The following GRM7 variants were observed in gnomAD, a reference collection of about 807,000 sequenced individuals.
GRM7 encodes glutamate metabotropic receptor 7.
A neutral mutation model predicts 84.5 loss-of-function variants in GRM7; 35 were observed. The observed-to-expected ratio is 0.41, with a 90% confidence interval of 0.32 to 0.55. The LOEUF is 0.55. Ranked by LOEUF, GRM7 falls within the 20% of genes least tolerant of loss-of-function variation. GRM7 has a pLI of 0.19. For missense variants in GRM7, 1,003 were observed against 1,194.6 expected (o/e 0.84, Z 2.36); for synonymous variants, 487 against 455.1 (o/e 1.07, Z -0.89).
At chr3:7,694,768 A>G (rs1051962675) in intron 9 of GRM7, among the ~76,000 whole-genome samples, 5 of 152,206 alleles carry the variant, frequency 3.3e-5, no homozygotes, top group Non-Finnish European at 5.9e-5. Context: ...TATTTAAGGA[A>G]ACACCAATGA....
intron 4 of GRM7, among the ~76,000 whole-genome samples, chr3:7,369,408 A>G (rs1171771557): frequency 9.7e-6 from 1 of 103,250 alleles, no homozygotes; most frequent in Non-Finnish European, 1.9e-5. Context: ...GAGGGCACAC[A>G]TTCATTTTTT....
chr3:7,107,438 C>G (rs1692695647), intron 1 of GRM7, among the ~76,000 whole-genome samples: 1 of 151,976 alleles, frequency 6.6e-6, no homozygotes, highest in Non-Finnish European at 1.5e-5. Context: ...TTAAGAATCA[C>G]AAAGTTGACA....
chr3:7,149,505 C>A (rs1559471115), intron 2 of GRM7, among the ~76,000 whole-genome samples: 1 of 152,112 alleles, frequency 6.6e-6, no homozygotes, highest in Non-Finnish European at 1.5e-5. Flanking sequence ...AGGGAATTCT[C>A]CAAGGTAATT....
At chr3:6,962,006 C>T (rs1283452810) in intron 1 of GRM7, among the ~76,000 whole-genome samples, 1 of 147,908 alleles carries the variant, frequency 6.8e-6, no homozygotes, top group Non-Finnish European at 1.5e-5. Context: ...AGAAATAGTC[C>T]AAACTACTTC....
intron 5 of GRM7, among the ~76,000 whole-genome samples, chr3:7,438,624 A>G (rs1697155519): frequency 6.6e-6 from 1 of 152,048 alleles, no homozygotes; most frequent in African/African-American, 2.4e-5. Flanking sequence ...CTGGGAGAAC[A>G]AATGTAAGGA....
At chr3:7,591,428 A>T (rs578157585) in intron 8 of GRM7, 1 of 436,652 alleles carries the variant, frequency 2.3e-6, no homozygotes, top group Admixed American at 2.6e-5. Context: ...TTACAAATGA[A>T]TGTCCAAAGT....
At chr3:7,038,891 C>A (rs140991832) in intron 1 of GRM7, among the ~76,000 whole-genome samples, 7 of 152,044 alleles carry the variant, frequency 4.6e-5, no homozygotes, top group African/African-American at 1.7e-4. Context: ...TGTACTTAAC[C>A]TTTATGCCGA....
At chr3:7,494,157 C>T (rs1165686997) in intron 7 of GRM7, among the ~76,000 whole-genome samples, 2 of 152,096 alleles carry the variant, frequency 1.3e-5, no homozygotes, top group East Asian at 3.8e-4. Flanking sequence ...AGCTCTCTTT[C>T]AGAGATATAC....
At chr3:7,664,342 C>T (rs1419244441) in intron 8 of GRM7, among the ~76,000 whole-genome samples, 1 of 152,162 alleles carries the variant, frequency 6.6e-6, no homozygotes, top group Non-Finnish European at 1.5e-5. Flanking sequence ...GACTGCACTT[C>T]CCAGGATTCC....
At chr3:6,939,996 T>G (rs1697830559) in intron 1 of GRM7, among the ~76,000 whole-genome samples, 1 of 152,308 alleles carries the variant, frequency 6.6e-6, no homozygotes, top group East Asian at 1.9e-4. Context: ...CCTTTTAAAA[T>G]TAAACAACTA....
intron 5 of GRM7, among the ~76,000 whole-genome samples, chr3:7,420,043 C>T (rs1243218602): frequency 6.6e-6 from 1 of 152,142 alleles, no homozygotes. Context: ...TTTCTTTACA[C>T]CTCACTTCTC....
intron 4 of GRM7, among the ~76,000 whole-genome samples, chr3:7,346,517 C>A (rs150389702): frequency 6.6e-6 from 1 of 152,112 alleles, no homozygotes; most frequent in Non-Finnish European, 1.5e-5. Flanking sequence ...TGAGAAGAAT[C>A]ATATTCCAGG....
At chr3:7,006,714 A>G (rs377536809) in intron 1 of GRM7, among the ~76,000 whole-genome samples, 23 of 152,238 alleles carry the variant, frequency 1.5e-4, no homozygotes, top group African/African-American at 5.5e-4. Context: ...ATGAATTCAT[A>G]AAAATAAAAT....
chr3:7,538,747 C>T (rs1374324753), intron 7 of GRM7, among the ~76,000 whole-genome samples: 3 of 152,264 alleles, frequency 2.0e-5, no homozygotes, highest in South Asian at 2.1e-4. Context: ...ACAGTTTAAT[C>T]GGTTTTTGAA....
intron 7 of GRM7, among the ~76,000 whole-genome samples, chr3:7,536,987 G>A (rs1701268582): frequency 6.6e-6 from 1 of 152,166 alleles, no homozygotes; most frequent in Non-Finnish European, 1.5e-5. Context: ...TTTCTGAAAT[G>A]TTGCTTCCAT....
chr3:7,295,931 T>C (rs145712886), intron 2 of GRM7, among the ~76,000 whole-genome samples: 273 of 152,196 alleles, frequency 1.8e-3, no homozygotes, highest in African/African-American at 6.3e-3. Flanking sequence ...TTGGCAAGGG[T>C]TTATAGTACA....
intron 4 of GRM7, among the ~76,000 whole-genome samples, chr3:7,338,560 C>G (rs1404267465): frequency 2.0e-4 from 31 of 152,038 alleles, no homozygotes; most frequent in Non-Finnish European, 1.0e-4. Flanking sequence ...TTACATGAAT[C>G]GTTAAGTACA....
At chr3:7,605,733 A>C (rs1387126906) in intron 8 of GRM7, among the ~76,000 whole-genome samples, 1 of 152,322 alleles carries the variant, frequency 6.6e-6, no homozygotes, top group Non-Finnish European at 1.5e-5. Flanking sequence ...GTAGCCAAGT[A>C]AGCATTTTAA....
At chr3:7,665,123 T>G (rs1699631258) in intron 8 of GRM7, among the ~76,000 whole-genome samples, 1 of 151,882 alleles carries the variant, frequency 6.6e-6, no homozygotes, top group Non-Finnish European at 1.5e-5. Flanking sequence ...GGTAAGGGAA[T>G]TGGACACAGT....
Sources: allele counts gnomAD v4.1 joint callset (sites outside exome capture counted in the v4.1 genomes callset), GRCh38; gene constraint gnomAD v4.1.1; transcripts MANE v1.5; gene names NCBI Gene and HGNC (gene_info 2026-07-23, HGNC 2026-07-21).